The following LARGE1 variants were observed in gnomAD, a reference collection of about 807,000 sequenced individuals.
LARGE1 encodes xylosyl- and glucuronyltransferase LARGE1.
Under a neutral mutation model 87.6 loss-of-function variants are expected in LARGE1, and 43 were observed. The ratio of observed to expected loss-of-function variants is 0.49; its 90% CI spans 0.38 to 0.63. The LOEUF (loss-of-function observed/expected upper bound fraction) is 0.63, where lower values mean the gene tolerates loss of function less well. Ranked by LOEUF, LARGE1 falls within the 30% of genes least tolerant of loss-of-function variation. LARGE1 has a pLI of 0.00. For synonymous variants in LARGE1, 434 were observed against 394.6 expected (o/e 1.10, Z -1.18); for missense variants, 802 against 1,000.2 (o/e 0.80, Z 2.67).
intron 11 of LARGE1, among the ~76,000 whole-genome samples, chr22:33,246,387 T>A (rs1926759640): frequency 1.3e-5 from 2 of 152,222 alleles, no homozygotes; most frequent in Non-Finnish European, 2.9e-5. Flanking sequence ...GGCTCACCCC[T>A]TTAATCCTAG....
the LARGE1 span, among the ~76,000 whole-genome samples, chr22:33,129,234 G>C: frequency 6.6e-6 from 1 of 152,112 alleles, no homozygotes; most frequent in African/African-American, 2.4e-5. Flanking sequence ...AGATTGAAAG[G>C]AATTAGGGAT....
chr22:33,484,539 G>A (rs1033404573), intron 6 of LARGE1, among the ~76,000 whole-genome samples: 5 of 152,182 alleles, frequency 3.3e-5, no homozygotes, highest in African/African-American at 1.2e-4. Context: ...GCTTTGAAGG[G>A]CTGTGACTCT....
intron 6 of LARGE1, among the ~76,000 whole-genome samples, chr22:33,525,517 T>A (rs2071843092): frequency 6.6e-6 from 1 of 152,212 alleles, no homozygotes; most frequent in South Asian, 2.1e-4. Context: ...CAAGTGATAT[T>A]TGATCTATAA....
chr22:33,919,826 C>A (rs962730970), intron 1 of LARGE1, among the ~76,000 whole-genome samples, 169 bp downstream of exon 1: 3 of 152,216 alleles, frequency 2.0e-5, no homozygotes, highest in Admixed American at 2.0e-4. Flanking sequence ...AGACTGGGGG[C>A]TTCCACCTCC....
chr22:33,629,478 C>T (rs1378095462), intron 3 of LARGE1, among the ~76,000 whole-genome samples: 5 of 152,124 alleles, frequency 3.3e-5, no homozygotes, highest in East Asian at 3.9e-4. Context: ...TGAATAAATG[C>T]ATCATCTGGA....
At chr22:33,838,995 C>A (rs1270464547) in intron 1 of LARGE1, among the ~76,000 whole-genome samples, 1 of 152,184 alleles carries the variant, frequency 6.6e-6, no homozygotes, top group Non-Finnish European at 1.5e-5. Flanking sequence ...ACAGTGGCTT[C>A]AGAAATAGCC....
intron 2 of LARGE1, among the ~76,000 whole-genome samples, chr22:33,756,787 G>T (rs2084529815): frequency 1.3e-5 from 2 of 152,178 alleles, no homozygotes; most frequent in South Asian, 4.1e-4. Context: ...GTGGGCTGTT[G>T]TGCTTAGTCC....
intron 14 of LARGE1, among the ~76,000 whole-genome samples, chr22:33,275,626 G>C (rs1929103291): frequency 1.3e-5 from 2 of 152,198 alleles, no homozygotes; most frequent in Admixed American, 6.5e-5. Context: ...ATGGGTGTGG[G>C]TGTTAATACC....
At chr22:33,120,012 C>T in the LARGE1 span, among the ~76,000 whole-genome samples, 1 of 134,042 alleles carries the variant, frequency 7.5e-6, no homozygotes, top group Non-Finnish European at 1.7e-5. Flanking sequence ...GATACCTTGG[C>T]TGTTAATAGT....
At chr22:33,568,834 AGATG>A (rs960879660) in intron 5 of LARGE1, among the ~76,000 whole-genome samples, 4 of 151,466 alleles carry the variant, frequency 2.6e-5, no homozygotes, top group African/African-American at 9.7e-5. Flanking sequence ...TATCTGGAAC[AGATG>A]GATGGATGGA....
intron 1 of LARGE1, among the ~76,000 whole-genome samples, chr22:33,792,988 T>C (rs2085869628): frequency 1.3e-5 from 2 of 152,080 alleles, no homozygotes; most frequent in African/African-American, 4.8e-5. Flanking sequence ...CACAAACAGC[T>C]TTCCACCCAA....
At chr22:33,221,169 A>AAGAGAGAGAGAG (rs112355451) in intron 11 of LARGE1, among the ~76,000 whole-genome samples, 1,681 of 148,982 alleles carry the variant, frequency 0.011, 16 homozygotes, top group Middle Eastern at 0.029. Flanking sequence ...CGTTGTTAAA[A>AAGAGAGAGAGAG]AGAGAGAGAG....
At chr22:33,146,946 T>C in the LARGE1 span, among the ~76,000 whole-genome samples, 61 of 152,170 alleles carry the variant, frequency 4.0e-4, 1 homozygote, top group Non-Finnish European at 5.4e-4. Context: ...TTCAGCATTG[T>C]CAGTTATCTT....
intron 1 of LARGE1, among the ~76,000 whole-genome samples, chr22:33,808,146 C>A (rs1247113956): frequency 6.6e-6 from 1 of 152,236 alleles, no homozygotes; most frequent in Non-Finnish European, 1.5e-5. Flanking sequence ...CCTGTTGCTC[C>A]ACATCCTCAT....
At chr22:33,252,930 G>A (rs1568990561) in intron 11 of LARGE1, among the ~76,000 whole-genome samples, 1 of 152,332 alleles carries the variant, frequency 6.6e-6, no homozygotes, top group East Asian at 1.9e-4. Flanking sequence ...ACAAGGGATG[G>A]ATACATGGGG....
chr22:33,205,161 C>A (rs750688862), intron 11 of LARGE1, among the ~76,000 whole-genome samples: 1 of 152,196 alleles, frequency 6.6e-6, no homozygotes, highest in Non-Finnish European at 1.5e-5. Context: ...GATGCTACCC[C>A]CTTCAAGCTT....
chr22:33,270,088 C>T (rs930452746), downstream of LARGE1, among the ~76,000 whole-genome samples: 1 of 151,920 alleles, frequency 6.6e-6, no homozygotes, highest in East Asian at 1.9e-4. Context: ...AGAAACCCCA[C>T]ATTTTTGTGG....
intron 6 of LARGE1, among the ~76,000 whole-genome samples, chr22:33,518,539 C>A (rs1166397736): frequency 6.6e-6 from 1 of 152,216 alleles, no homozygotes; most frequent in Non-Finnish European, 1.5e-5. Context: ...GAACTCCTGA[C>A]CTCAGGTGTT....
chr22:33,632,538 C>G (rs980200660), intron 3 of LARGE1, among the ~76,000 whole-genome samples: 2 of 92,570 alleles, frequency 2.2e-5, no homozygotes, highest in Non-Finnish European at 4.2e-5. Flanking sequence ...TCCCCGGCTC[C>G]TGTCAGGGGC....
Sources: gnomAD v4.1 joint callset for allele counts (sites outside exome capture counted in the v4.1 genomes callset) on GRCh38, gnomAD v4.1.1 for gene constraint, MANE v1.5 for transcripts, NCBI Gene and HGNC (gene_info 2026-07-23, HGNC 2026-07-21) for gene names.